ABCA9: variants seen among roughly 807,000 people sequenced by gnomAD.
The protein encoded by ABCA9 is ATP-binding cassette sub-family A member 9.
Under a neutral mutation model 205.3 loss-of-function variants are expected in ABCA9, and 183 were observed. That is an observed-to-expected ratio of 0.89 (90% CI 0.79 to 1.01). The LOEUF (loss-of-function observed/expected upper bound fraction) is 1.01. Among genes scored for constraint, ABCA9 ranks in the 50% least tolerant of loss-of-function variants. ABCA9 has a pLI of 0.00. For missense variants in ABCA9, 1,805 were observed against 1,912.4 expected, an observed-to-expected ratio of 0.94 and a Z score of 1.05; for synonymous variants, 651 against 683.3, an observed-to-expected ratio of 0.95 and a Z score of 0.74.
At position 68,989,905 on chromosome 17, in the gene ABCA9, A is replaced by G; in HGVS notation, c.3863T>C (p.Leu1288Pro). Residue 1288 changes from leucine (L) to proline (P), a missense_variant, in exon 30 of 39, where the codon CTA becomes CCA. Leu to Pro is a moderately conservative substitution (Grantham distance 98). Transcript: ENST00000340001. ...DETPVIIASC[L>P]RKEYAGKKKN... Reference sequence around the variant, plus strand: ...CTTTTTGCCTGCATATTCCTTCCGTAGACAGCTGGCAATGATGACGGGTGT... The same window carrying G: ...CTTTTTGCCTGCATATTCCTTCCGTGGACAGCTGGCAATGATGACGGGTGT... The G allele has an allele frequency of 6.2e-7, 1 of 1,612,208 alleles. No individual in the cohort carries two copies. The highest frequency in any genetic ancestry group is 8.5e-7 in the Non-Finnish European group (1 of 1,179,188).
intron 6 of ABCA9, among the ~76,000 whole-genome samples, chr17:69,037,014 A>G (rs943897680): frequency 6.6e-6 from 1 of 152,124 alleles, no homozygotes; most frequent in Admixed American, 6.6e-5. Flanking sequence ...AGAAGAGATA[A>G]GTATCCTAAA....
intron 18 of ABCA9, chr17:69,020,850 A>T (rs973996872): frequency 7.0e-5 from 23 of 329,338 alleles, no homozygotes; most frequent in Non-Finnish European, 9.4e-5. Flanking sequence ...TATTCTAAGG[A>T]AATCAATGAA....
At chr17:69,009,109 C>T (rs2070274901) in intron 23 of ABCA9, among the ~76,000 whole-genome samples, 2 of 152,064 alleles carry the variant, frequency 1.3e-5, no homozygotes, top group Non-Finnish European at 2.9e-5. Flanking sequence ...TACCGTATGG[C>T]TGGCTTCATA....
chr17:69,032,472 T>C, intron 9 of ABCA9, 196 bp from the exon 10 acceptor site: 1 of 469,242 alleles, frequency 2.1e-6, no homozygotes, highest in Non-Finnish European at 3.7e-6. Flanking sequence ...TAATATGACG[T>C]TTTTAACATG....
intron 26 of ABCA9, 120 bp downstream of exon 26, chr17:68,995,775 A>G: frequency 7.5e-7 from 1 of 1,324,770 alleles, no homozygotes; most frequent in South Asian, 1.4e-5. Context: ...CTGACTTTCC[A>G]AAGACAGAGA....
intron 25 of ABCA9, among the ~76,000 whole-genome samples, chr17:69,001,161 A>G (rs1362137611): frequency 6.6e-6 from 1 of 151,392 alleles, no homozygotes; most frequent in Non-Finnish European, 1.5e-5. Flanking sequence ...ACTATGTTGA[A>G]TAGGAGTGGT....
At chr17:68,989,721 A>G in intron 30 of ABCA9, 92 bp downstream of exon 30, 4 of 789,562 alleles carry the variant, frequency 5.1e-6, no homozygotes, top group South Asian at 1.8e-5. Context: ...GCGTTTGTCA[A>G]TAGATGTCCC....
chr17:69,029,079 A>G, intron 11 of ABCA9, 90 bp downstream of exon 11: 1 of 670,496 alleles, frequency 1.5e-6, no homozygotes. Context: ...CATATCTGGA[A>G]TATCTGTGCT....
In ABCA9 at chr17:69,018,560, T is replaced by TAATACCAAAAAGCAATAA; in HGVS notation, c.2602_2619dup (p.Leu868_Ile873dup). 1 of 1,594,162 alleles carries TAATACCAAAAAGCAATAA rather than the reference T, an allele frequency of 6.3e-7. No homozygotes were observed. Among genetic ancestry groups the TAATACCAAAAAGCAATAA allele is most frequent in the Non-Finnish European group, 8.5e-7 (1 of 1,173,684 alleles). ...TGTTCCAAAAGTTGAGGGATAAAGC[T>TAATACCAAAAAGCAATAA]AATACCAAAAAGCAATAATCTATGC... On this transcript the variant is annotated inframe_insertion, in exon 20 of 39. Coordinates refer to ENST00000340001, the MANE Select transcript of ABCA9 (RefSeq NM_080283.4).
At chr17:69,000,399 CTTGT>C (rs1384959454) in intron 25 of ABCA9, among the ~76,000 whole-genome samples, 1 of 152,002 alleles carries the variant, frequency 6.6e-6, no homozygotes, top group Non-Finnish European at 1.5e-5. Flanking sequence ...TTCCCCATTG[CTTGT>C]TTTTCTCATG....
At chr17:68,990,324 T>C (rs1007606872) in intron 29 of ABCA9, among the ~76,000 whole-genome samples, 44 of 152,354 alleles carry the variant, frequency 2.9e-4, no homozygotes, top group African/African-American at 9.4e-4. Flanking sequence ...GCTGTACTTA[T>C]CAAAACCACA....
At chr17:69,035,474 G>T in intron 7 of ABCA9, 43 bp from the exon 8 acceptor site, 1 of 1,477,034 alleles carries the variant, frequency 6.8e-7, no homozygotes, top group South Asian at 1.6e-5. Flanking sequence ...AATTCTGTGA[G>T]AACAGTAGCA....
chr17:69,067,983 C>T, the ABCA9 span, among the ~76,000 whole-genome samples: 1 of 152,134 alleles, frequency 6.6e-6, no homozygotes, highest in Non-Finnish European at 1.5e-5. Context: ...ATCTTATAGG[C>T]CAGGAAATCT....
At chr17:69,060,198 G>A (rs778321244) in intron 1 of ABCA9, among the ~76,000 whole-genome samples, 27 of 152,190 alleles carry the variant, frequency 1.8e-4, no homozygotes, top group African/African-American at 5.3e-4. Flanking sequence ...ACTACCCACC[G>A]TAATAATATA....
chr17:69,050,323 A>AACAC (rs149951202), intron 2 of ABCA9, among the ~76,000 whole-genome samples: 2 of 123,860 alleles, frequency 1.6e-5, no homozygotes, highest in African/African-American at 5.5e-5. Context: ...TTGTTGCATG[A>AACAC]ACACACACAC....
chr17:68,992,101 A>T, intron 28 of ABCA9, 74 bp downstream of exon 28: 1 of 1,034,236 alleles, frequency 9.7e-7, no homozygotes, highest in Non-Finnish European at 1.4e-6. Flanking sequence ...TTACTTAATT[A>T]ATTCAGCACA....
Position 68,975,808 on chromosome 17 carries a change from T to A in ABCA9, c.*107A>T. The A allele has an allele frequency of 1.2e-6, 1 of 854,816 alleles. No individual in the cohort carries two copies. The highest frequency in any genetic ancestry group is 1.6e-5 in the South Asian group (1 of 61,482). The allele number at this position is 854,816 out of a possible 1,614,324, so 53.0% of individuals were successfully genotyped here. Reference sequence around the variant, plus strand: ...CTACTGAGGATAATTATTGCATGAGTTTCAAATGCATTTTGTACCACCTCT... The same window carrying A: ...CTACTGAGGATAATTATTGCATGAGATTCAAATGCATTTTGTACCACCTCT... On this transcript the variant is annotated 3_prime_UTR_variant, in exon 39 of 39. Coordinates refer to ENST00000340001, the MANE Select transcript of ABCA9 (RefSeq NM_080283.4).
rs773544068 is a variant in ABCA9, at chr17:69,049,263, T to G, written c.304+20A>C. On this transcript the variant is annotated intron_variant, in intron 3 of 38. Coordinates refer to ENST00000340001, the MANE Select transcript of ABCA9 (RefSeq NM_080283.4). ...CCTTTTGCAAATAAGGAAATTACTA[T>G]GAACAACCAGGGAACATACCTTTTA... 5.2e-5 allele frequency: 81 copies of G among 1,556,138 alleles called. No individual in the cohort carries two copies. Among genetic ancestry groups the G allele is most frequent in the Non-Finnish European group, 6.6e-5 (76 of 1,145,154 alleles).
chr17:69,078,521 T>C, the ABCA9 span, among the ~76,000 whole-genome samples: 1 of 152,136 alleles, frequency 6.6e-6, no homozygotes, highest in Non-Finnish European at 1.5e-5. Context: ...TTTAAAGCAA[T>C]TTCTGGAACA....
Sources: allele counts gnomAD v4.1 joint callset (sites outside exome capture counted in the v4.1 genomes callset), GRCh38; gene constraint gnomAD v4.1.1; transcripts MANE v1.5; gene names NCBI Gene and HGNC (gene_info 2026-07-23, HGNC 2026-07-21).